Variants in CCDC171 observed in about 807,000 individuals in gnomAD.
CCDC171 encodes the protein coiled-coil domain containing 171.
CCDC171 carries 177 observed loss-of-function variants against 168.2 expected under a neutral mutation model. The observed-to-expected ratio is 1.05, with a 90% CI of 0.93 to 1.19. The LOEUF is 1.19. Ranked by LOEUF, CCDC171 falls within the 50% of genes most tolerant of loss-of-function variation. The pLI is 0.00. For synonymous variants in CCDC171, 687 were observed against 540.8 expected (o/e 1.27, Z -3.75); for missense variants, 1,991 against 1,539.0 (o/e 1.29, Z -4.91).
Position 15,777,842 on chromosome 9 carries a change from C to G in CCDC171, c.2898+16C>G. On this transcript the variant is annotated intron_variant, in intron 19 of 25. Transcript: ENST00000380701. ...GCCCATTACGGTATGTATACACTTT[C>G]ATTTAGTAGTAACCTAAGAACTTGT... 6.6e-7 allele frequency: 1 copy of G among 1,508,658 alleles called. No individual in the cohort carries two copies. The highest frequency in any genetic ancestry group is 1.3e-5 in the South Asian group (1 of 77,916). 93.5% of individuals were successfully genotyped at this position (1,508,658 alleles called of 1,614,324 possible).
rs181134285 is a variant in CCDC171, at chr9:15,607,062, A to T, written c.675+12890A>T. 2.4e-3 allele frequency among the ~76,000 whole-genome samples: 368 copies of T among 152,274 alleles called. 2 individuals carry two copies. The highest frequency in any genetic ancestry group is 8.6e-3 in the African/African-American group (356 of 41,548). ...TTTGTAGTTTTTTTGGATTTTCTTG[A>T]GTGTTACATTGCATCTCAGGATTGG... On this transcript the variant is annotated intron_variant, in intron 6 of 25. Transcript: ENST00000380701.
At chr9:16,101,499 A>G in the CCDC171 span, among the ~76,000 whole-genome samples, 1 of 152,244 alleles carries the variant, frequency 6.6e-6, no homozygotes, top group East Asian at 1.9e-4. Flanking sequence ...TCCTGTGATT[A>G]TGTTACACTA....
chr9:15,792,235 C>T (rs553653588), intron 21 of CCDC171, among the ~76,000 whole-genome samples: 1 of 152,146 alleles, frequency 6.6e-6, no homozygotes, highest in South Asian at 2.1e-4. Context: ...GATTGAAGAT[C>T]AAATGAATGA....
intron 6 of CCDC171, among the ~76,000 whole-genome samples, chr9:15,600,584 G>A (rs776972371): frequency 5.9e-5 from 9 of 152,158 alleles, no homozygotes; most frequent in South Asian, 2.1e-4. Context: ...TCGGGGGTCC[G>A]GGACCCACTT....
At chr9:15,563,043 C>T (rs2039440507) in intron 1 of CCDC171, among the ~76,000 whole-genome samples, 1 of 151,806 alleles carries the variant, frequency 6.6e-6, no homozygotes, top group African/African-American at 2.4e-5. Flanking sequence ...GTTTATGTGT[C>T]ATCAGTGGCC....
At chr9:16,081,088 C>G in the CCDC171 span, among the ~76,000 whole-genome samples, 3 of 152,206 alleles carry the variant, frequency 2.0e-5, no homozygotes. Flanking sequence ...AGCGGGCCAC[C>G]TCTCCTACCC....
intron 24 of CCDC171, among the ~76,000 whole-genome samples, chr9:15,882,627 T>C (rs1818803253): frequency 6.6e-6 from 1 of 152,154 alleles, no homozygotes; most frequent in Non-Finnish European, 1.5e-5. Context: ...TCAGTATAAA[T>C]AGCATTTAAA....
chr9:15,660,278 C>G (rs1410925840), intron 8 of CCDC171, among the ~76,000 whole-genome samples: 1 of 152,136 alleles, frequency 6.6e-6, no homozygotes, highest in African/African-American at 2.4e-5. Flanking sequence ...AGTAATAAGA[C>G]TGAAGTTTTC....
chr9:15,637,007 G>C (rs887899764), intron 7 of CCDC171, among the ~76,000 whole-genome samples: 15 of 152,078 alleles, frequency 9.9e-5, no homozygotes, highest in African/African-American at 3.6e-4. Flanking sequence ...TGTAATCCCA[G>C]CACTTTGGGA....
chr9:15,586,598 A>T (rs2041581094), intron 4 of CCDC171, among the ~76,000 whole-genome samples: 3 of 152,198 alleles, frequency 2.0e-5, no homozygotes. Context: ...GTAGGGTTAG[A>T]TGAAAGCTGT....
chr9:15,810,428 C>T (rs559716402), intron 21 of CCDC171, among the ~76,000 whole-genome samples: 2 of 143,456 alleles, frequency 1.4e-5, no homozygotes, highest in East Asian at 2.3e-4. Context: ...GTAAATGGGA[C>T]CGGGCGCTGT....
intron 14 of CCDC171, among the ~76,000 whole-genome samples, chr9:15,726,304 CTT>C (rs2053796264): frequency 6.6e-6 from 1 of 152,108 alleles, no homozygotes; most frequent in South Asian, 2.1e-4. Context: ...TTTGGAGTCT[CTT>C]TTCATGCCAA....
chr9:15,924,084 T>C (rs1320664629), intron 25 of CCDC171, among the ~76,000 whole-genome samples: 1 of 151,438 alleles, frequency 6.6e-6, no homozygotes, highest in East Asian at 1.9e-4. Context: ...TTTAAAAACA[T>C]ATATTTAATA....
chr9:16,011,402 C>T (rs889277237), intron 3 of CCDC171, among the ~76,000 whole-genome samples: 2 of 35,484 alleles, frequency 5.6e-5, no homozygotes, highest in East Asian at 4.9e-4. Context: ...GTGAAAAATG[C>T]TGTTTTTTAC....
At chr9:15,674,894 A>C (rs1262859900) in intron 9 of CCDC171, among the ~76,000 whole-genome samples, 1 of 152,166 alleles carries the variant, frequency 6.6e-6, no homozygotes, top group East Asian at 1.9e-4. Flanking sequence ...TGCAGAGCTG[A>C]GTTCAAGTCC....
intron 2 of CCDC171, among the ~76,000 whole-genome samples, chr9:15,569,198 A>G (rs1445033536): frequency 1.3e-5 from 2 of 151,902 alleles, no homozygotes; most frequent in Non-Finnish European, 2.9e-5. Flanking sequence ...ATTTCCATGG[A>G]TTTGTTTCTG....
At chr9:15,886,946 A>G (rs1819505808) in intron 24 of CCDC171, 1 of 152,184 alleles carries the variant, frequency 6.6e-6, no homozygotes, top group African/African-American at 2.4e-5. Context: ...TCTTACTCAC[A>G]GAAACAGAGT....
intron 11 of CCDC171, among the ~76,000 whole-genome samples, chr9:15,719,359 A>G (rs1296139189): frequency 1.6e-5 from 2 of 128,126 alleles, no homozygotes; most frequent in Non-Finnish European, 3.2e-5. Flanking sequence ...CAAAAGGGGA[A>G]ATCTAAGAGT....
At chr9:15,995,594 A>T (rs1011492247) in intron 3 of CCDC171, among the ~76,000 whole-genome samples, 1 of 152,226 alleles carries the variant, frequency 6.6e-6, no homozygotes, top group Non-Finnish European at 1.5e-5. Context: ...TTCTGGGGCA[A>T]TAATACCTAA....
Sources: gnomAD v4.1 joint callset for allele counts (sites outside exome capture counted in the v4.1 genomes callset) on GRCh38, gnomAD v4.1.1 for gene constraint, MANE v1.5 for transcripts, NCBI Gene and HGNC (gene_info 2026-07-23, HGNC 2026-07-21) for gene names.